Variants in SLC35E4 observed in about 807,000 individuals in gnomAD.
The protein encoded by SLC35E4 is solute carrier family 35 member E4.
Under a neutral mutation model 19.3 loss-of-function variants are expected in SLC35E4, and 15 were observed. That is an observed-to-expected ratio of 0.78 (90% CI 0.52 to 1.20). The LOEUF (loss-of-function observed/expected upper bound fraction) is 1.20, where lower values mean the gene tolerates loss of function less well. Ranked by LOEUF, SLC35E4 falls within the 50% of genes most tolerant of loss-of-function variation. The pLI, the probability that SLC35E4 is intolerant of heterozygous loss-of-function variation, is 0.00. For synonymous variants in SLC35E4, 219 were observed against 219.9 expected (o/e 1.00, Z 0.04); for missense variants, 406 against 472.3 (o/e 0.86, Z 1.30).
intron 1 of SLC35E4, among the ~76,000 whole-genome samples, chr22:30,645,610 A>AT (rs2088116345): frequency 6.7e-6 from 1 of 148,168 alleles, no homozygotes; most frequent in East Asian, 1.9e-4. Flanking sequence ...AAAAAAAAAA[A>AT]AAAAAAAAGA....
At position 30,636,100 on chromosome 22, in the gene SLC35E4, A is replaced by G; in HGVS notation, c.-351A>G. The G allele has an allele frequency of 4.0e-6, 1 of 247,950 alleles. No individual in the cohort carries two copies. 15.4% of individuals were successfully genotyped at this position (247,950 alleles called of 1,614,324 possible). On this transcript the variant is annotated 5_prime_UTR_variant, in exon 1 of 2. Transcript: ENST00000343605. ...CCCTAATGACCTGGGGACTGAAGAG[A>G]AAAAAGGAACGAGGATTTCATCTAA...
intron 2 of SLC35E4, among the ~76,000 whole-genome samples, chr22:30,657,480 C>T (rs1019457089): frequency 1.4e-4 from 20 of 143,382 alleles, no homozygotes; most frequent in Non-Finnish European, 1.1e-4. Context: ...AAATTCTGGC[C>T]GGGTGTAGTG....
intron 2 of SLC35E4, among the ~76,000 whole-genome samples, chr22:30,659,143 A>C (rs80121249): frequency 6.7e-6 from 1 of 150,162 alleles, no homozygotes; most frequent in African/African-American, 2.5e-5. Flanking sequence ...AAAAAAAAAA[A>C]AAAGAAGAAA....
In SLC35E4 at chr22:30,647,036, T is replaced by A. The variant is rs568884836; in HGVS notation, c.*5T>A. On this transcript the variant is annotated 3_prime_UTR_variant, in exon 2 of 2. Transcript: ENST00000343605. ...CAGCCCAGCAAGGGTCTTTGAGACC[T>A]GGGGGATCTCAGGAGCCACCTGGGA... 1.6e-5 allele frequency: 26 copies of A among 1,585,282 alleles called. 1 individual carries two copies. The South Asian group carries it at 2.9e-4, about 17-fold the overall frequency.
At chr22:30,655,262 T>C (rs1276440397) in intron 2 of SLC35E4, among the ~76,000 whole-genome samples, 2 of 147,416 alleles carry the variant, frequency 1.4e-5, no homozygotes, top group African/African-American at 5.0e-5. Context: ...TCCAGACCCA[T>C]CTGGACAACA....
downstream of SLC35E4, chr22:30,667,389 T>G (rs1338281983): frequency 6.6e-6 from 1 of 152,120 alleles, no homozygotes; most frequent in African/African-American, 2.4e-5. Context: ...GTGGGCCGGG[T>G]AGGTTTCCTA....
chr22:30,655,429 CAAAAA>C (rs5844917), intron 2 of SLC35E4, among the ~76,000 whole-genome samples: 1 of 111,676 alleles, frequency 9.0e-6, no homozygotes, highest in Non-Finnish European at 1.8e-5. Context: ...GAGATCCTAC[CAAAAA>C]AAAAAAAAAA....
intron 2 of SLC35E4, chr22:30,661,323 G>A (rs1276443077): frequency 1.3e-5 from 2 of 152,050 alleles, no homozygotes; most frequent in African/African-American, 4.8e-5. Context: ...ACTCATTTAA[G>A]CATTCTGGAT....
At chr22:30,638,394 C>A (rs1053843986) in intron 1 of SLC35E4, among the ~76,000 whole-genome samples, 2 of 148,020 alleles carry the variant, frequency 1.4e-5, no homozygotes, top group South Asian at 4.4e-4. Context: ...CCCAGCTACT[C>A]GGGAGGCTGA....
chr22:30,664,518 G>A (rs2088583105), downstream of SLC35E4, among the ~76,000 whole-genome samples: 1 of 152,158 alleles, frequency 6.6e-6, no homozygotes, highest in Admixed American at 6.5e-5. Context: ...GCCCCTCTGA[G>A]TGGGAACCAT....
chr22:30,640,773 G>A (rs1384129466), intron 1 of SLC35E4, among the ~76,000 whole-genome samples: 1 of 152,180 alleles, frequency 6.6e-6, no homozygotes, highest in Non-Finnish European at 1.5e-5. Context: ...ATCTGTCAGT[G>A]GAGGAGAGTT....
chr22:30,665,989 T>C (rs2088639248), downstream of SLC35E4, among the ~76,000 whole-genome samples: 1 of 152,066 alleles, frequency 6.6e-6, no homozygotes, highest in Admixed American at 6.6e-5. Context: ...GACCAAAGGT[T>C]GTATAGGCAA....
At chr22:30,637,748 A>T (rs1415036404) in intron 1 of SLC35E4, among the ~76,000 whole-genome samples, 1 of 152,212 alleles carries the variant, frequency 6.6e-6, no homozygotes. Context: ...ATAGATGAAG[A>T]GGCTTGCCCT....
chr22:30,649,254 G>A (rs577391133), downstream of SLC35E4: 7 of 717,282 alleles, frequency 9.8e-6, no homozygotes, highest in African/African-American at 1.0e-4. Context: ...GAGGAAGGAG[G>A]TAATGGCACC....
chr22:30,665,970 A>G (rs1002312908), downstream of SLC35E4, among the ~76,000 whole-genome samples: 3 of 152,146 alleles, frequency 2.0e-5, no homozygotes, highest in African/African-American at 7.2e-5. Flanking sequence ...TGAGGCTACT[A>G]AAGAGAAAGA....
chr22:30,651,397 GTGTATA>G (rs1284892111), downstream of SLC35E4, among the ~76,000 whole-genome samples: 8 of 52,636 alleles, frequency 1.5e-4, no homozygotes, highest in African/African-American at 9.7e-4. Flanking sequence ...GTGTGTGTGT[GTGTATA>G]TATATATATA....
chr22:30,653,431 G>A (rs2088265928), intron 2 of SLC35E4, among the ~76,000 whole-genome samples: 1 of 151,364 alleles, frequency 6.6e-6, no homozygotes, highest in South Asian at 2.1e-4. Context: ...GAGTGCAGTG[G>A]TGCGATCTCG....
At chr22:30,654,627 AG>A in intron 2 of SLC35E4, 1 of 459,574 alleles carries the variant, frequency 2.2e-6, no homozygotes. Flanking sequence ...TGCCTCGGGA[AG>A]GGTTGCTGTT....
At chr22:30,643,720 G>A (rs752953375) in intron 1 of SLC35E4, among the ~76,000 whole-genome samples, 2 of 152,178 alleles carry the variant, frequency 1.3e-5, no homozygotes, top group Non-Finnish European at 2.9e-5. Flanking sequence ...GAGGCGTGGA[G>A]AGAGGGAGAC....
Sources: allele counts gnomAD v4.1 joint callset (sites outside exome capture counted in the v4.1 genomes callset), GRCh38; gene constraint gnomAD v4.1.1; transcripts MANE v1.5; gene names NCBI Gene and HGNC (gene_info 2026-07-23, HGNC 2026-07-21).